The following NDUFS4 variants were observed in gnomAD, a reference collection of about 807,000 sequenced individuals.
NDUFS4 encodes NADH dehydrogenase [ubiquinone] iron-sulfur protein 4, mitochondrial.
NDUFS4 carries 28 observed loss-of-function variants against 24.3 expected under a neutral mutation model. The observed-to-expected ratio is 1.15, with a 90% CI of 0.85 to 1.58. The LOEUF (loss-of-function observed/expected upper bound fraction) is 1.58, where lower values mean the gene tolerates loss of function less well. Among genes scored for constraint, NDUFS4 ranks in the 40% most tolerant of loss-of-function variants. The probability of loss-of-function intolerance (pLI) is 0.00; values close to 1 mark genes in which losing one functional copy is unlikely to be tolerated. For missense variants in NDUFS4, 223 were observed against 207.9 expected (o/e 1.07, Z -0.45); for synonymous variants, 93 against 69.7 (o/e 1.34, Z -1.67).
chr5:53,672,657 A>G (rs922354261), intron 4 of NDUFS4, among the ~76,000 whole-genome samples: 1 of 152,090 alleles, frequency 6.6e-6, no homozygotes, highest in Non-Finnish European at 1.5e-5. Context: ...TCTCAGCAAG[A>G]GATTATTTGT....
intron 1 of NDUFS4, among the ~76,000 whole-genome samples, chr5:53,602,181 A>T (rs1579859037): frequency 6.6e-6 from 1 of 152,190 alleles, no homozygotes; most frequent in African/African-American, 2.4e-5. Context: ...GTTTAAAAGT[A>T]TTTAAATTTT....
intron 1 of NDUFS4, among the ~76,000 whole-genome samples, chr5:53,567,607 CG>C (rs1281007051): frequency 2.0e-5 from 3 of 151,374 alleles, no homozygotes; most frequent in African/African-American, 7.3e-5. Flanking sequence ...TTAGGAAAAA[CG>C]GTTGTATTGT....
intron 1 of NDUFS4, among the ~76,000 whole-genome samples, chr5:53,602,757 C>T (rs1054903194): frequency 1.3e-5 from 2 of 152,116 alleles, no homozygotes; most frequent in Admixed American, 1.3e-4. Flanking sequence ...GCTAAAATGT[C>T]ACAGCACAGT....
chr5:53,560,777 A>G lies in NDUFS4; in HGVS notation c.98+17A>G. 6.2e-7 allele frequency: 1 copy of G among 1,613,912 alleles called. No individual in the cohort carries two copies. On this transcript the variant is annotated intron_variant, in intron 1 of 4. Coordinates refer to ENST00000296684, the MANE Select transcript of NDUFS4 (RefSeq NM_002495.4). Reference sequence around the variant, plus strand: ...TCCGACCAGGTAATAGAATTTTCACACTTTTCTTCAAGCTTCTTGGGTCCC... The same window carrying G: ...TCCGACCAGGTAATAGAATTTTCACGCTTTTCTTCAAGCTTCTTGGGTCCC...
intron 2 of NDUFS4, among the ~76,000 whole-genome samples, chr5:53,624,999 G>T (rs1000467332): frequency 6.6e-6 from 1 of 152,074 alleles, no homozygotes; most frequent in Non-Finnish European, 1.5e-5. Context: ...GGGTCTCTGT[G>T]CAGTGGCATA....
At chr5:53,612,909 C>A (rs532976580) in intron 2 of NDUFS4, among the ~76,000 whole-genome samples, 2 of 152,154 alleles carry the variant, frequency 1.3e-5, no homozygotes, top group South Asian at 4.1e-4. Context: ...GAAAATAAAA[C>A]AACTACGTTT....
At chr5:53,652,429 A>G (rs1752046863) in intron 3 of NDUFS4, among the ~76,000 whole-genome samples, 1 of 147,326 alleles carries the variant, frequency 6.8e-6, no homozygotes, top group Non-Finnish European at 1.5e-5. Flanking sequence ...CAGAAATTTG[A>G]AATCTTAAAT....
intron 4 of NDUFS4, among the ~76,000 whole-genome samples, chr5:53,660,617 C>G (rs1399313721): frequency 6.6e-6 from 1 of 152,166 alleles, no homozygotes; most frequent in African/African-American, 2.4e-5. Flanking sequence ...GTCCCACCGA[C>G]AGTGTAAAAG....
At chr5:53,606,013 C>CAAAA (rs11329751) in intron 2 of NDUFS4, among the ~76,000 whole-genome samples, 1 of 77,058 alleles carries the variant, frequency 1.3e-5, no homozygotes, top group Admixed American at 1.4e-4. Flanking sequence ...GACTCCGTCT[C>CAAAA]AAAAAAAAAA....
intron 2 of NDUFS4, among the ~76,000 whole-genome samples, chr5:53,612,329 T>C (rs1750719855): frequency 6.6e-6 from 1 of 152,070 alleles, no homozygotes; most frequent in African/African-American, 2.4e-5. Context: ...GTTTTAACTT[T>C]TACAAAGGTA....
At chr5:53,668,257 T>C (rs942289118) in intron 4 of NDUFS4, among the ~76,000 whole-genome samples, 35 of 152,196 alleles carry the variant, frequency 2.3e-4, no homozygotes, top group Non-Finnish European at 3.2e-4. Context: ...ATACAGTTGA[T>C]TATTTGTATA....
At chr5:53,600,927 T>C (rs895355551) in intron 1 of NDUFS4, among the ~76,000 whole-genome samples, 1 of 152,048 alleles carries the variant, frequency 6.6e-6, no homozygotes, top group Non-Finnish European at 1.5e-5. Flanking sequence ...TTACTTAACA[T>C]TTTTGTCCTT....
At chr5:53,662,146 C>T (rs1752361781) in intron 4 of NDUFS4, among the ~76,000 whole-genome samples, 1 of 152,148 alleles carries the variant, frequency 6.6e-6, no homozygotes, top group South Asian at 2.1e-4. Flanking sequence ...TCATAGATAG[C>T]TCTTATTATT....
At chr5:53,602,637 G>C (rs1005898271) in intron 1 of NDUFS4, among the ~76,000 whole-genome samples, 1 of 151,952 alleles carries the variant, frequency 6.6e-6, no homozygotes, top group African/African-American at 2.4e-5. Flanking sequence ...AAAAAGAAAG[G>C]ACCAAATGCC....
Position 53,647,316 on chromosome 5 carries a change from G to A in NDUFS4, c.350+911G>A, listed in dbSNP as rs781086085. On this transcript the variant is annotated intron_variant, in intron 3 of 4. Coordinates refer to ENST00000296684, the MANE Select transcript of NDUFS4 (RefSeq NM_002495.4). ...CAGCCCTGAACTCTGGGATGATCAA[G>A]CGGTCCTCCCACCTTAATCCCCCAA... Among the ~76,000 whole-genome samples, 25 of 152,088 alleles carry A rather than the reference G, an allele frequency of 1.6e-4. 1 individual carries two copies. Among genetic ancestry groups the A allele is most frequent in the Non-Finnish European group, 2.5e-4 (17 of 68,008 alleles).
intron 1 of NDUFS4, among the ~76,000 whole-genome samples, chr5:53,592,977 A>G (rs1040970803): frequency 2.0e-5 from 3 of 152,142 alleles, no homozygotes; most frequent in Admixed American, 6.5e-5. Flanking sequence ...TTTTGCATCT[A>G]TATTTATAAG....
At chr5:53,586,624 G>A (rs1323881012) in intron 1 of NDUFS4, among the ~76,000 whole-genome samples, 1 of 152,114 alleles carries the variant, frequency 6.6e-6, no homozygotes, top group Non-Finnish European at 1.5e-5. Context: ...CCAGGTTCAT[G>A]CCATTCTCCT....
chr5:53,628,378 G>C (rs1430442441), intron 2 of NDUFS4, among the ~76,000 whole-genome samples: 2 of 152,148 alleles, frequency 1.3e-5, no homozygotes, highest in African/African-American at 4.8e-5. Context: ...TTTGGTATCA[G>C]GATGATACTG....
intron 2 of NDUFS4, among the ~76,000 whole-genome samples, chr5:53,613,662 GA>G (rs569224230): frequency 0.025 from 3,023 of 120,998 alleles, 91 homozygotes; most frequent in African/African-American, 0.079. Flanking sequence ...ACAAGCTATT[GA>G]AAAAAAAAAA....
Sources: allele counts gnomAD v4.1 joint callset (sites outside exome capture counted in the v4.1 genomes callset), GRCh38; gene constraint gnomAD v4.1.1; transcripts MANE v1.5; gene names NCBI Gene and HGNC (gene_info 2026-07-23, HGNC 2026-07-21).